PSD2: variants seen among roughly 807,000 people sequenced by gnomAD.
The protein encoded by PSD2 is PH and SEC7 domain-containing protein 2.
A neutral mutation model predicts 69.8 loss-of-function variants in PSD2; 38 were observed. That is an observed-to-expected ratio of 0.54 (90% CI 0.42 to 0.71). PSD2 has a LOEUF of 0.71. Among genes scored for constraint, PSD2 ranks in the 30% least tolerant of loss-of-function variants. The pLI is 0.00. For missense variants in PSD2, 943 were observed against 1,014.5 expected (o/e 0.93, Z 0.96); for synonymous variants, 412 against 423.0 (o/e 0.97, Z 0.32).
the PSD2 span, among the ~76,000 whole-genome samples, chr5:139,786,946 A>G: frequency 6.6e-6 from 1 of 152,124 alleles, no homozygotes; most frequent in African/African-American, 2.4e-5. Flanking sequence ...TTCCATTTAG[A>G]GAAACCCCTT....
the PSD2 span, among the ~76,000 whole-genome samples, chr5:139,790,513 G>A: frequency 2.4e-3 from 370 of 152,200 alleles, 2 homozygotes; most frequent in Middle Eastern, 0.01. Context: ...AGAGAGGGGC[G>A]GAGAAACTAG....
the PSD2 span, among the ~76,000 whole-genome samples, chr5:139,757,612 AAG>A: frequency 1.3e-5 from 2 of 152,152 alleles, no homozygotes; most frequent in Non-Finnish European, 2.9e-5. Flanking sequence ...GAGGGAGAGA[AAG>A]AGATTTTTTC....
the PSD2 span, among the ~76,000 whole-genome samples, chr5:139,782,768 C>T: frequency 1.3e-5 from 2 of 152,158 alleles, no homozygotes; most frequent in Non-Finnish European, 2.9e-5. Context: ...GCTGGGATTA[C>T]AGGCATGAGC....
At chr5:139,772,135 G>A in the PSD2 span, among the ~76,000 whole-genome samples, 1 of 152,136 alleles carries the variant, frequency 6.6e-6, no homozygotes, top group Non-Finnish European at 1.5e-5. Context: ...AGAGGGAGTG[G>A]GAGTGGGAGT....
intron 1 of PSD2, among the ~76,000 whole-genome samples, chr5:139,798,603 C>T (rs1759591024): frequency 6.6e-6 from 1 of 152,236 alleles, no homozygotes; most frequent in Admixed American, 6.5e-5. Flanking sequence ...ATACCCTTCA[C>T]CTAGAGACCT....
At chr5:139,762,711 A>G in the PSD2 span, among the ~76,000 whole-genome samples, 38 of 152,148 alleles carry the variant, frequency 2.5e-4, no homozygotes, top group African/African-American at 8.4e-4. Flanking sequence ...CCCTGCAGAC[A>G]GTACTCCACT....
chr5:139,748,655 C>A, the PSD2 span, among the ~76,000 whole-genome samples: 1 of 152,244 alleles, frequency 6.6e-6, no homozygotes, highest in Admixed American at 6.5e-5. Context: ...GCCCGCCAGG[C>A]AGCGCGGGTG....
the PSD2 span, among the ~76,000 whole-genome samples, chr5:139,752,455 C>T: frequency 2.6e-5 from 4 of 152,184 alleles, no homozygotes; most frequent in Admixed American, 2.6e-4. Flanking sequence ...CACACACTCA[C>T]ACTCAAGTGC....
At chr5:139,822,193 G>A (rs1289043346) in intron 6 of PSD2, among the ~76,000 whole-genome samples, 188 bp downstream of exon 6, 1 of 152,236 alleles carries the variant, frequency 6.6e-6, no homozygotes, top group Non-Finnish European at 1.5e-5. Flanking sequence ...TGCCTGCTGA[G>A]CAAGGCGCAG....
At chr5:139,749,232 C>T in the PSD2 span, among the ~76,000 whole-genome samples, 1,458 of 152,350 alleles carry the variant, frequency 9.6e-3, 8 homozygotes, top group Non-Finnish European at 0.014. Flanking sequence ...ACTCTCCCAT[C>T]TCTGAAGTTC....
intron 1 of PSD2, among the ~76,000 whole-genome samples, chr5:139,807,826 C>T (rs1233833861): frequency 6.6e-6 from 1 of 152,190 alleles, no homozygotes; most frequent in Admixed American, 6.5e-5. Context: ...TGAGACTTTT[C>T]TTCTGGAGCC....
At chr5:139,833,584 T>G in intron 7 of PSD2, 118 bp from the exon 8 acceptor site, 1 of 736,054 alleles carries the variant, frequency 1.4e-6, no homozygotes, top group East Asian at 2.5e-5. Flanking sequence ...TTCACGCAAT[T>G]TAATTTTCAT....
At chr5:139,806,923 G>T (rs1340991113) in intron 1 of PSD2, among the ~76,000 whole-genome samples, 1 of 152,202 alleles carries the variant, frequency 6.6e-6, no homozygotes, top group African/African-American at 2.4e-5. Flanking sequence ...AGAAACAAAG[G>T]ATGTGGCCCA....
the PSD2 span, among the ~76,000 whole-genome samples, chr5:139,747,979 C>T: frequency 6.6e-6 from 1 of 152,252 alleles, no homozygotes; most frequent in Non-Finnish European, 1.5e-5. The surrounding 1 kb of genome is among the most constrained non-coding windows in gnomAD (Gnocchi z 6.7). Context: ...CCAAATGCGA[C>T]GGCGCAGGGA....
the PSD2 span, among the ~76,000 whole-genome samples, chr5:139,742,967 G>A: frequency 3.9e-5 from 6 of 152,192 alleles, no homozygotes; most frequent in African/African-American, 1.4e-4. Context: ...TAGGAAAAAA[G>A]GTATGTAGTG....
At chr5:139,754,266 C>T in the PSD2 span, among the ~76,000 whole-genome samples, 5 of 152,262 alleles carry the variant, frequency 3.3e-5, no homozygotes, top group South Asian at 1.0e-3. Flanking sequence ...CCCATCTCTA[C>T]AAAAAATTTT....
At chr5:139,785,445 A>G in the PSD2 span, among the ~76,000 whole-genome samples, 9 of 152,018 alleles carry the variant, frequency 5.9e-5, no homozygotes, top group Non-Finnish European at 1.2e-4. Context: ...GCTGGTCTTG[A>G]ACTTCTGACC....
chr5:139,786,169 G>T, the PSD2 span, among the ~76,000 whole-genome samples: 1 of 152,244 alleles, frequency 6.6e-6, no homozygotes, highest in South Asian at 2.1e-4. Context: ...AGGATCTCTT[G>T]AGCCCAGGAG....
In PSD2 at chr5:139,837,754, G is replaced by A. The variant is rs776442074; in HGVS notation, c.1795G>A (p.Asp599Asn). 10 of 1,613,106 alleles carry A rather than the reference G, an allele frequency of 6.2e-6. No homozygotes were observed. The highest frequency in any genetic ancestry group is 3.3e-4 in the Middle Eastern group (2 of 6,082). Residue 599 changes from aspartate to asparagine, a missense_variant, in exon 12 of 15, where the codon GAC (aspartate) becomes AAC (asparagine). Physicochemically the swap from Asp to Asn is conservative, Grantham distance 23 (BLOSUM62 1). Around this residue, in one of 3 missense-constraint regions of PSD2, gnomAD observed 312 missense variants for 400.7 expected, o/e 0.78. Transcript: ENST00000274710. This position sits in a 1 kb window ranked among gnomAD's most constrained non-coding sequence, Gnocchi z 5.0. ...KSNVLKLKTA[D>N]WRVFLFQAPS... ...CAACGTGCTGAAGCTTAAGACAGCCGACTGGAGGGTATTCCTCTTCCAGGC... is the reference window on the plus strand; with the variant it reads ...CAACGTGCTGAAGCTTAAGACAGCCAACTGGAGGGTATTCCTCTTCCAGGC...
Sources: gnomAD v4.1 joint callset for allele counts (sites outside exome capture counted in the v4.1 genomes callset) on GRCh38, gnomAD v4.1.1 for gene constraint, gnomAD v4.1.1 regional missense constraint, Gnocchi (gnomAD v3.1) non-coding constraint, MANE v1.5 for transcripts, NCBI Gene and HGNC (gene_info 2026-07-23, HGNC 2026-07-21) for gene names.